Variants in KAZN observed in about 807,000 individuals in gnomAD.
KAZN encodes the protein kazrin, periplakin interacting protein.
A neutral mutation model predicts 87.4 loss-of-function variants in KAZN; 40 were observed. The ratio of observed to expected loss-of-function variants is 0.46; its 90% confidence interval spans 0.36 to 0.60. The LOEUF is 0.60. Ranked by LOEUF, KAZN falls within the 20% of genes least tolerant of loss-of-function variation. The pLI is 0.00. For synonymous variants in KAZN, 466 were observed against 458.3 expected, an observed-to-expected ratio of 1.02 and a Z score of -0.22; for missense variants, 898 against 1,073.9, an observed-to-expected ratio of 0.84 and a Z score of 2.29.
rs79996921 is a variant in KAZN, at chr1:14,604,298, C to G, written c.226+5075C>G. ...TTAGGAAAAGACATCTTTCCCGAAG[C>G]CAACAGGGTGGCCATCCACAGGGGC... On this transcript the variant is annotated intron_variant, in intron 1 of 14. Transcript: ENST00000376030. 2.8e-3 allele frequency among the ~76,000 whole-genome samples: 422 copies of G among 152,250 alleles called. 13 individuals are homozygous for G. The East Asian group carries it at 0.06, about 22-fold the overall frequency.
intron 1 of KAZN, among the ~76,000 whole-genome samples, chr1:13,906,021 C>G (rs1044403723): frequency 6.6e-6 from 1 of 152,164 alleles, no homozygotes; most frequent in African/African-American, 2.4e-5. Context: ...CCCTCTGACT[C>G]TCTCTTCTAA....
chr1:13,893,455 A>G (rs1638914815), exon 1 of KAZN: 2 of 756,036 alleles, frequency 2.6e-6, no homozygotes, highest in Admixed American at 3.2e-5. Flanking sequence ...ATAGGGTTTC[A>G]TTTTTTACTT....
intron 2 of KAZN, among the ~76,000 whole-genome samples, chr1:14,228,554 T>C (rs1647505066): frequency 1.3e-5 from 2 of 152,124 alleles, no homozygotes; most frequent in Non-Finnish European, 2.9e-5. Context: ...ATGATTAGCA[T>C]CTCTGGCACA....
In KAZN at chr1:13,963,551, G is replaced by A. The variant is rs149078294; in HGVS notation, c.91+69795G>A. Among the ~76,000 whole-genome samples, 634 of 152,236 alleles carry A rather than the reference G, an allele frequency of 4.2e-3. 2 individuals carry two copies. Among genetic ancestry groups the A allele is most frequent in the Non-Finnish European group, 6.3e-3 (427 of 68,012 alleles). On this transcript the variant is annotated intron_variant, in intron 1 of 16. Transcript: ENST00000636203. ...GTTAGAAGATATTGCTTTAATTATT[G>A]TTCCTCTGGCTCCTTTATGAATGAG...
intron 1 of KAZN, among the ~76,000 whole-genome samples, chr1:14,741,193 T>C (rs1277100802): frequency 6.6e-6 from 1 of 152,178 alleles, no homozygotes; most frequent in Non-Finnish European, 1.5e-5. Flanking sequence ...AATGCGTGCA[T>C]GAATAAATGG....
At chr1:14,040,798 T>A (rs138122334) in intron 1 of KAZN, among the ~76,000 whole-genome samples, 54 of 128,456 alleles carry the variant, frequency 4.2e-4, no homozygotes, top group Admixed American at 9.8e-4. Context: ...TTAAATTAAA[T>A]TAAAATAAAA....
intron 1 of KAZN, among the ~76,000 whole-genome samples, chr1:14,745,390 C>T (rs1644235809): frequency 6.6e-6 from 1 of 152,182 alleles, no homozygotes. Flanking sequence ...AAAGAATCCC[C>T]TGGCACAATC....
intron 1 of KAZN, among the ~76,000 whole-genome samples, chr1:14,041,003 A>T (rs758688099): frequency 3.9e-5 from 6 of 152,164 alleles, no homozygotes; most frequent in African/African-American, 1.4e-4. Flanking sequence ...TTCAACATCA[A>T]ATAATGGTGA....
chr1:14,375,240 G>T (rs1268267441), intron 2 of KAZN, among the ~76,000 whole-genome samples: 1 of 152,170 alleles, frequency 6.6e-6, no homozygotes, highest in Non-Finnish European at 1.5e-5. Context: ...CAGAAAGAGT[G>T]CAGGAGGTTA....
chr1:14,671,433 G>C (rs574803957), intron 1 of KAZN, among the ~76,000 whole-genome samples: 2 of 152,132 alleles, frequency 1.3e-5, no homozygotes, highest in African/African-American at 4.8e-5. Context: ...CACGTACTGG[G>C]GGAGATGGCA....
intron 1 of KAZN, among the ~76,000 whole-genome samples, chr1:14,629,327 G>A (rs1323321972): frequency 1.3e-5 from 2 of 152,188 alleles, no homozygotes. Context: ...ACATCAGTTT[G>A]CCATATTCGT....
intron 1 of KAZN, among the ~76,000 whole-genome samples, chr1:14,102,862 C>T (rs1644287641): frequency 6.6e-6 from 1 of 151,964 alleles, no homozygotes; most frequent in East Asian, 1.9e-4. Context: ...TCTGTCTTCC[C>T]TGTGTCATCC....
intron 2 of KAZN, among the ~76,000 whole-genome samples, chr1:14,280,846 A>G (rs11808667): frequency 0.095 from 14,483 of 152,240 alleles, 990 homozygotes; most frequent in African/African-American, 0.2. Context: ...GGTTCATCCT[A>G]CTTCTGCCTC....
rs1185795165 is a variant in KAZN, at chr1:14,365,668, A to C, written c.249+185076A>C. 3.9e-5 allele frequency among the ~76,000 whole-genome samples: 6 copies of C among 152,156 alleles called. No homozygotes were observed. In the South Asian group the frequency reaches 1.0e-3, roughly 26 times the overall value. On this transcript the variant is annotated intron_variant, in intron 2 of 16. Transcript: ENST00000636203. ...GCAGCGTCCCCAGCCTCTACTCACT[A>C]GATGCCAGGAGCACCTTTCCCCAGT...
intron 2 of KAZN, among the ~76,000 whole-genome samples, chr1:14,539,715 T>A (rs764765236): frequency 6.6e-6 from 1 of 151,732 alleles, no homozygotes; most frequent in African/African-American, 2.4e-5. Context: ...TGTTCTAGTT[T>A]GATGAAAAAA....
intron 2 of KAZN, among the ~76,000 whole-genome samples, chr1:14,403,146 A>G (rs1309754178): frequency 6.6e-6 from 1 of 152,226 alleles, no homozygotes; most frequent in East Asian, 1.9e-4. Flanking sequence ...AACTTAATCC[A>G]TAATAGAGGT....
chr1:14,760,423 A>C (rs1644707579), intron 1 of KAZN, among the ~76,000 whole-genome samples: 1 of 152,200 alleles, frequency 6.6e-6, no homozygotes, highest in African/African-American at 2.4e-5. Context: ...AGGTCTAAGG[A>C]GGTACTTTGC....
intron 2 of KAZN, among the ~76,000 whole-genome samples, chr1:14,422,271 G>C (rs1289152104): frequency 6.6e-6 from 1 of 152,212 alleles, no homozygotes; most frequent in African/African-American, 2.4e-5. Context: ...GTGGGCTTCC[G>C]TGTTTACTCA....
At chr1:14,331,335 C>T (rs1008664399) in intron 2 of KAZN, among the ~76,000 whole-genome samples, 2 of 152,112 alleles carry the variant, frequency 1.3e-5, no homozygotes, top group Admixed American at 6.6e-5. Context: ...TATATATGCA[C>T]CCGCATTGTG....
Sources: allele counts gnomAD v4.1 joint callset (sites outside exome capture counted in the v4.1 genomes callset), GRCh38; gene constraint gnomAD v4.1.1; transcripts MANE v1.5; gene names NCBI Gene and HGNC (gene_info 2026-07-23, HGNC 2026-07-21).